ANKRD36B: variants seen among roughly 807,000 people sequenced by gnomAD.
ANKRD36B encodes the protein ankyrin repeat domain 36B.
ANKRD36B carries 37 observed loss-of-function variants against 135.7 expected under a neutral mutation model. The observed-to-expected ratio is 0.27, with a 90% CI of 0.21 to 0.36. ANKRD36B has a LOEUF of 0.36. Ranked by LOEUF, ANKRD36B falls within the 10% of genes least tolerant of loss-of-function variation. The probability of loss-of-function intolerance (pLI) is 1.00; values close to 1 mark genes in which losing one functional copy is unlikely to be tolerated. For missense variants in ANKRD36B, 549 were observed against 1,037.1 expected, an observed-to-expected ratio of 0.53 and a Z score of 6.46; for synonymous variants, 179 against 348.1, an observed-to-expected ratio of 0.51 and a Z score of 5.41.
At chr2:97,551,251 G>C (rs749385458) in intron 18 of ANKRD36B, 38 bp downstream of exon 18, 6 of 1,537,642 alleles carry the variant, frequency 3.9e-6, no homozygotes, top group South Asian at 1.2e-5. Flanking sequence ...CTTCTTATCT[G>C]GACTGAACAT....
At position 97,540,009 on chromosome 2, in the gene ANKRD36B, C is replaced by T. The variant is rs2079072754; in HGVS notation, c.1987+25G>A. 3 of 886,310 alleles carry T rather than the reference C, an allele frequency of 3.4e-6. 1 individual carries two copies. The highest frequency in any genetic ancestry group is 3.5e-5 in the African/African-American group (2 of 57,182). The allele number at this position is 886,310 out of a possible 1,614,324, so 54.9% of individuals were successfully genotyped here. On this transcript the variant is annotated intron_variant, in intron 30 of 43. Transcript: ENST00000359901. ...TCTTTTCTATCTGGACTGAACATGA[C>T]ATTAAATGTGTTTTGTAAAATTACC...
At chr2:97,564,681 G>A (rs903335590) in intron 6 of ANKRD36B, among the ~76,000 whole-genome samples, 3 of 152,130 alleles carry the variant, frequency 2.0e-5, no homozygotes, top group African/African-American at 7.2e-5. Flanking sequence ...ATCAGATGGT[G>A]TAGGTGTATG....
intron 14 of ANKRD36B, among the ~76,000 whole-genome samples, chr2:97,554,687 G>A (rs543728179): frequency 3.3e-5 from 5 of 151,986 alleles, no homozygotes; most frequent in South Asian, 2.1e-4. Flanking sequence ...TCAGTTTTCC[G>A]TCTGTTTTTA....
intron 40 of ANKRD36B, among the ~76,000 whole-genome samples, chr2:97,508,947 A>T (rs1308271028): frequency 1.8e-5 from 2 of 108,792 alleles, no homozygotes; most frequent in Non-Finnish European, 5.3e-5. Flanking sequence ...AATAAGAGAA[A>T]ATAGATACAT....
intron 12 of ANKRD36B, among the ~76,000 whole-genome samples, chr2:97,556,349 A>C (rs1278714369): frequency 6.6e-6 from 1 of 151,904 alleles, no homozygotes; most frequent in Non-Finnish European, 1.5e-5. Flanking sequence ...GAGCAGTCAG[A>C]AATCAAATCT....
rs2079819501 is a variant in ANKRD36B, at chr2:97,549,399, A to G, written c.1477+20T>C. ...ATCTATCTGGACTGAACATGACATT[A>G]AATCTGTTTTCAAAATTACCTGTCC... is the stretch of plus-strand genomic sequence containing the variant. On this transcript the variant is annotated intron_variant, in intron 20 of 43. Transcript: ENST00000359901. 3.2e-6 allele frequency: 5 copies of G among 1,546,032 alleles called. No individual in the cohort carries two copies. The highest frequency in any genetic ancestry group is 1.2e-5 in the South Asian group (1 of 84,454).
At chr2:97,558,909 G>T (rs773439469) in intron 9 of ANKRD36B, 38 bp from the exon 10 acceptor site, 5 of 1,608,724 alleles carry the variant, frequency 3.1e-6, no homozygotes, top group Non-Finnish European at 4.2e-6. Flanking sequence ...AATATGTAAA[G>T]TAGGTTTCAT....
intron 2 of ANKRD36B, 41 bp from the exon 3 acceptor site, chr2:97,585,158 A>G: frequency 6.2e-7 from 1 of 1,613,814 alleles, no homozygotes; most frequent in Non-Finnish European, 8.5e-7. Context: ...TACTGAAAAA[A>G]TCAAAATAAA....
chr2:97,553,071 G>A, intron 16 of ANKRD36B, 97 bp downstream of exon 16: 2 of 1,426,942 alleles, frequency 1.4e-6, no homozygotes, highest in Admixed American at 2.2e-5. Flanking sequence ...TGCAGCTTCA[G>A]CGAGCCCCCC....
chr2:97,558,556 C>T (rs2080735227), intron 10 of ANKRD36B, among the ~76,000 whole-genome samples: 1 of 151,898 alleles, frequency 6.6e-6, no homozygotes, highest in East Asian at 1.9e-4. Flanking sequence ...CCCCTGACTC[C>T]TTATGTCTTT....
At chr2:97,549,268 G>T (rs563915741) in intron 20 of ANKRD36B, 151 bp downstream of exon 20, 9,743 of 841,962 alleles carry the variant, frequency 0.012, 121 homozygotes, top group East Asian at 0.051. Flanking sequence ...ATCAGCATCA[G>T]CATCACTCAA....
chr2:97,530,360 C>T (rs193158909), intron 35 of ANKRD36B, among the ~76,000 whole-genome samples: 3 of 91,786 alleles, frequency 3.3e-5, no homozygotes, highest in East Asian at 4.7e-4. Context: ...ATATGTAGAA[C>T]GCTGCAACTG....
At chr2:97,551,582 T>A in intron 16 of ANKRD36B, 102 bp from the exon 17 acceptor site, 7 of 1,557,674 alleles carry the variant, frequency 4.5e-6, no homozygotes, top group Non-Finnish European at 6.1e-6. Flanking sequence ...CCTGCCTGTA[T>A]TAGCGTAGGT....
intron 22 of ANKRD36B, among the ~76,000 whole-genome samples, chr2:97,546,690 C>T (rs2079500234): frequency 6.6e-6 from 1 of 151,690 alleles, no homozygotes. Flanking sequence ...TAGAATTCAA[C>T]ATCATTTTTG....
At chr2:97,566,806 A>G (rs1159781908) in intron 6 of ANKRD36B, among the ~76,000 whole-genome samples, 1 of 152,150 alleles carries the variant, frequency 6.6e-6, no homozygotes, top group Non-Finnish European at 1.5e-5. Context: ...CTCACACCGC[A>G]ACAACAATCA....
At chr2:97,556,879 T>C in intron 12 of ANKRD36B, 58 bp downstream of exon 12, 12 of 1,541,902 alleles carry the variant, frequency 7.8e-6, no homozygotes, top group Non-Finnish European at 1.1e-5. Context: ...TATTCAGGGG[T>C]GGGACGTTCT....
At chr2:97,558,455 C>T (rs2080726232) in intron 10 of ANKRD36B, among the ~76,000 whole-genome samples, 1 of 151,864 alleles carries the variant, frequency 6.6e-6, no homozygotes, top group Non-Finnish European at 1.5e-5. Flanking sequence ...TTTAGCAATA[C>T]GATGTGATGT....
At chr2:97,496,888 A>G (rs1457388456) in intron 43 of ANKRD36B, among the ~76,000 whole-genome samples, 19 of 56,524 alleles carry the variant, frequency 3.4e-4, no homozygotes, top group Admixed American at 2.0e-3. Context: ...CTCATTGACA[A>G]TGCACTCATA....
intron 22 of ANKRD36B, among the ~76,000 whole-genome samples, chr2:97,546,689 A>T (rs1227284045): frequency 6.6e-6 from 1 of 151,780 alleles, no homozygotes; most frequent in Admixed American, 6.6e-5. Context: ...TTAGAATTCA[A>T]CATCATTTTT....
Sources: gnomAD v4.1 joint callset for allele counts (sites outside exome capture counted in the v4.1 genomes callset) on GRCh38, gnomAD v4.1.1 for gene constraint, MANE v1.5 for transcripts, NCBI Gene and HGNC (gene_info 2026-07-23, HGNC 2026-07-21) for gene names.